GUCY1B1: variants seen among roughly 807,000 people sequenced by gnomAD.
The protein encoded by GUCY1B1 is guanylate cyclase soluble subunit beta-1.
A neutral mutation model predicts 71.0 loss-of-function variants in GUCY1B1; 43 were observed. That is an observed-to-expected ratio of 0.61 (90% confidence interval 0.47 to 0.78). The LOEUF is 0.78. Among genes scored for constraint, GUCY1B1 ranks in the 30% least tolerant of loss-of-function variants. The pLI, the probability that GUCY1B1 is intolerant of heterozygous loss-of-function variation, is 0.00. For synonymous variants in GUCY1B1, 266 were observed against 259.7 expected, an observed-to-expected ratio of 1.02 and a Z score of -0.23; for missense variants, 535 against 754.1, an observed-to-expected ratio of 0.71 and a Z score of 3.40.
intron 4 of GUCY1B1, chr4:155,785,200 A>G: frequency 3.0e-6 from 2 of 663,446 alleles, no homozygotes; most frequent in Non-Finnish European, 5.2e-6. Flanking sequence ...ATCTCAAGAT[A>G]TCAAAATAGA....
chr4:155,774,974 G>A lies in GUCY1B1; in HGVS notation c.84G>A (p.Glu28=). Residue 28 remains glutamate (E), a synonymous_variant, in exon 3 of 14, where the codon GAG becomes GAA. Coordinates refer to ENST00000264424, the MANE Select transcript of GUCY1B1 (RefSeq NM_000857.5). ...TCTTGTTTTTGTTTTCCAGAAAAGA[G>A]GCACAGTTAGATGAAGAAGGACAGT... ...GPEVWEDIKK[E]AQLDEEGQFL... 2.6e-6 allele frequency: 4 copies of A among 1,550,452 alleles called. No individual in the cohort carries two copies. The highest frequency in any genetic ancestry group is 3.6e-6 in the Non-Finnish European group (4 of 1,124,058).
chr4:155,759,496 T>G, intron 1 of GUCY1B1: 1 of 489,700 alleles, frequency 2.0e-6, no homozygotes, highest in Non-Finnish European at 3.6e-6. Context: ...CGGGTTCGCG[T>G]CCCCGCGCTG....
At chr4:155,780,196 C>G (rs1053210669) in intron 4 of GUCY1B1, among the ~76,000 whole-genome samples, 3 of 152,180 alleles carry the variant, frequency 2.0e-5, no homozygotes, top group African/African-American at 7.2e-5. Context: ...AACCTACATC[C>G]TTTCTGCATC....
chr4:155,796,211 C>T (rs1242354427), intron 7 of GUCY1B1, among the ~76,000 whole-genome samples, 166 bp from the exon 8 acceptor site: 1 of 152,194 alleles, frequency 6.6e-6, no homozygotes, highest in Non-Finnish European at 1.5e-5. Flanking sequence ...AAGGCAGCCA[C>T]TAGGCTTATT....
chr4:155,767,988 C>T (rs762742841), intron 2 of GUCY1B1, among the ~76,000 whole-genome samples: 1 of 152,086 alleles, frequency 6.6e-6, no homozygotes. Context: ...ACGACACCTA[C>T]GTACTGTTTT....
Position 155,762,884 on chromosome 4 carries a change from A to G in GUCY1B1, c.77+3024A>G, listed in dbSNP as rs540603170. Among the ~76,000 whole-genome samples the G allele has an allele frequency of 8.5e-4, 130 of 152,322 alleles. 1 individual carries two copies. Among genetic ancestry groups the G allele is most frequent in the African/African-American group, 3.0e-3 (125 of 41,568 alleles). ...GTGGGCTACATGTGATCCATGGGCTATAGTTTGATGACCTCTGATTTAGAC... is the reference window on the plus strand; with the variant it reads ...GTGGGCTACATGTGATCCATGGGCTGTAGTTTGATGACCTCTGATTTAGAC... On this transcript the variant is annotated intron_variant, in intron 2 of 13. Coordinates refer to ENST00000264424, the MANE Select transcript of GUCY1B1 (RefSeq NM_000857.5).
chr4:155,778,248 T>C (rs1262524670), intron 4 of GUCY1B1, among the ~76,000 whole-genome samples: 1 of 152,242 alleles, frequency 6.6e-6, no homozygotes, highest in African/African-American at 2.4e-5. Flanking sequence ...CACAGGCCTT[T>C]GTCTTACATT....
At chr4:155,770,096 G>C (rs1042650624) in intron 2 of GUCY1B1, among the ~76,000 whole-genome samples, 2 of 152,146 alleles carry the variant, frequency 1.3e-5, no homozygotes. Flanking sequence ...GAACTTAAAA[G>C]TTATGGGATA....
At position 155,786,271 on chromosome 4, in the gene GUCY1B1, CTTTTT is replaced by C. The variant is rs33996424; in HGVS notation, c.298-3427_298-3423del. ...TGAAGTTATTGTTTGGTTCAATTTC[CTTTTT>C]TTTTTTTTTTTTTTTGAGGCAGAAT... On this transcript the variant is annotated intron_variant, in intron 4 of 13. Transcript: ENST00000264424. 1.9e-4 allele frequency among the ~76,000 whole-genome samples: 23 copies of C among 123,794 alleles called. 1 individual carries two copies. The highest frequency in any genetic ancestry group is 8.8e-5 in the Admixed American group (1 of 11,414). The allele number at this position is 123,794 out of a possible 152,430, so 81.2% of individuals were successfully genotyped here.
At chr4:155,765,477 G>A (rs182182531) in intron 2 of GUCY1B1, among the ~76,000 whole-genome samples, 243 of 152,224 alleles carry the variant, frequency 1.6e-3, no homozygotes, top group African/African-American at 5.6e-3. Context: ...TTTATGTCTA[G>A]CAAAATGAAG....
intron 4 of GUCY1B1, among the ~76,000 whole-genome samples, chr4:155,779,516 T>C (rs1181559275): frequency 6.7e-6 from 1 of 148,350 alleles, no homozygotes; most frequent in Non-Finnish European, 1.5e-5. Context: ...TTTTATTTTA[T>C]TTCTCTTTCA....
At chr4:155,765,758 C>G (rs1737291349) in intron 2 of GUCY1B1, among the ~76,000 whole-genome samples, 1 of 152,112 alleles carries the variant, frequency 6.6e-6, no homozygotes, top group Non-Finnish European at 1.5e-5. Flanking sequence ...GCATTCCAGC[C>G]CCATGGGCCT....
intron 4 of GUCY1B1, among the ~76,000 whole-genome samples, chr4:155,786,179 C>T (rs992251057): frequency 1.3e-5 from 2 of 151,396 alleles, no homozygotes; most frequent in African/African-American, 4.9e-5. Context: ...ATGATATAAG[C>T]ACATTGGTAC....
intron 2 of GUCY1B1, among the ~76,000 whole-genome samples, chr4:155,765,913 T>C (rs943898891): frequency 2.0e-5 from 3 of 152,194 alleles, no homozygotes; most frequent in Non-Finnish European, 4.4e-5. Flanking sequence ...ATGTCACTTC[T>C]TAAGGGAACC....
At position 155,802,409 on chromosome 4, in the gene GUCY1B1, A is replaced by G. The variant is rs771659450; in HGVS notation, c.1243A>G (p.Lys415Glu). Residue 415 changes from lysine (K) to glutamate (E), a missense_variant, in exon 10 of 14, where the codon AAA becomes GAA. Physicochemically the swap from Lys to Glu is moderately conservative, Grantham distance 56. Coordinates refer to ENST00000264424, the MANE Select transcript of GUCY1B1 (RefSeq NM_000857.5). This position sits in a 1 kb window ranked among gnomAD's most constrained non-coding sequence, Gnocchi z 4.3. ...ELRHKRPVPA[K>E]RYDNVTILFS... ...GCGGCACAAGCGTCCAGTGCCTGCC[A>G]AAAGATATGACAATGTGACCATCCT... 1 of 1,613,800 alleles carries G rather than the reference A, an allele frequency of 6.2e-7. No homozygotes were observed. The highest frequency in any genetic ancestry group is 1.7e-5 in the Admixed American group (1 of 60,006).
At chr4:155,774,914 C>A in intron 2 of GUCY1B1, 54 bp from the exon 3 acceptor site, 1 of 919,302 alleles carries the variant, frequency 1.1e-6, no homozygotes, top group Non-Finnish European at 1.8e-6. Context: ...CTTATAGTAG[C>A]TATTTTTTTA....
At chr4:155,759,623 C>T (rs1352657464) in intron 1 of GUCY1B1, 164 bp from the exon 2 acceptor site, 4 of 552,702 alleles carry the variant, frequency 7.2e-6, no homozygotes, top group Non-Finnish European at 1.3e-5. Flanking sequence ...GTTGCGCCCC[C>T]ACGATCCGAC....
intron 3 of GUCY1B1, 116 bp from the exon 4 acceptor site, chr4:155,777,408 A>G (rs979513538): frequency 6.1e-6 from 4 of 655,812 alleles, no homozygotes; most frequent in African/African-American, 5.4e-5. Flanking sequence ...TATGCTTGCC[A>G]TGCACAAAAA....
chr4:155,772,635 T>C (rs1305521876), intron 2 of GUCY1B1: 1 of 697,098 alleles, frequency 1.4e-6, no homozygotes, highest in African/African-American at 1.8e-5. Context: ...GCCCAGGCTG[T>C]TCTCAAATTC....
Sources: gnomAD v4.1 joint callset for allele counts (sites outside exome capture counted in the v4.1 genomes callset) on GRCh38, gnomAD v4.1.1 for gene constraint, Gnocchi (gnomAD v3.1) non-coding constraint, MANE v1.5 for transcripts, NCBI Gene and HGNC (gene_info 2026-07-23, HGNC 2026-07-21) for gene names.